The following FHIT variants were observed in gnomAD, a reference collection of about 807,000 sequenced individuals.
FHIT encodes fragile histidine triad diadenosine triphosphatase, also known as bis(5'-adenosyl)-triphosphatase.
FHIT carries 19 observed loss-of-function variants against 17.9 expected under a neutral mutation model. That is an observed-to-expected ratio of 1.06 (90% CI 0.74 to 1.56). FHIT has a LOEUF of 1.56. FHIT is among the 40% of genes most tolerant of loss of function. The probability of loss-of-function intolerance (pLI) is 0.00; values close to 1 mark genes in which losing one functional copy is unlikely to be tolerated. For missense variants in FHIT, 248 were observed against 189.2 expected, an observed-to-expected ratio of 1.31 and a Z score of -1.82; for synonymous variants, 81 against 69.7, an observed-to-expected ratio of 1.16 and a Z score of -0.81.
intron 4 of FHIT, among the ~76,000 whole-genome samples, chr3:60,688,837 T>C (rs2040920564): frequency 1.3e-5 from 2 of 152,206 alleles, no homozygotes; most frequent in African/African-American, 4.8e-5. Flanking sequence ...TCATGCTTTG[T>C]GTAGTTTATG....
rs139996064 is a variant in FHIT, at chr3:61,175,002, C to T, written c.-164+25615G>A. Among the ~76,000 whole-genome samples the T allele has an allele frequency of 5.5e-3, 727 of 132,944 alleles. 2 individuals are homozygous for T. The highest frequency in any genetic ancestry group is 8.1e-3 in the Non-Finnish European group (511 of 62,880). The allele number at this position is 132,944 out of a possible 152,430, so 87.2% of individuals were successfully genotyped here. On this transcript the variant is annotated intron_variant, in intron 2 of 9. Transcript: ENST00000492590. ...TCTTCCTATGTTTGCATTTCCTCAT[C>T]TATTAAATGAAGAGAAGACCTGGAT...
chr3:60,123,658 T>C (rs928503767), intron 5 of FHIT, among the ~76,000 whole-genome samples: 2 of 152,040 alleles, frequency 1.3e-5, no homozygotes, highest in Admixed American at 6.6e-5. Context: ...AGAAACCCAA[T>C]CACTGCTGTC....
chr3:60,145,875 A>G (rs1700218482), intron 5 of FHIT, among the ~76,000 whole-genome samples: 2 of 152,132 alleles, frequency 1.3e-5, no homozygotes, highest in Admixed American at 6.6e-5. Flanking sequence ...TTCTTTGCCA[A>G]TTAAGGGCTC....
chr3:60,469,278 A>G (rs1226924690), intron 5 of FHIT, among the ~76,000 whole-genome samples: 1 of 152,040 alleles, frequency 6.6e-6, no homozygotes, highest in Non-Finnish European at 1.5e-5. Context: ...TTTAAGGCCA[A>G]TAACTCTTAG....
intron 5 of FHIT, among the ~76,000 whole-genome samples, chr3:60,124,009 T>TATATAGAGAGAGAGAGAGAGAG (rs1384962194): frequency 8.2e-5 from 1 of 12,158 alleles, no homozygotes; most frequent in Non-Finnish European, 1.5e-4. Flanking sequence ...TATATATATA[T>TATATAGAGAGAGAGAGAGAGAG]AGAGAGAGAG....
chr3:60,453,662 A>G (rs1413894104), intron 5 of FHIT, among the ~76,000 whole-genome samples: 2 of 152,158 alleles, frequency 1.3e-5, no homozygotes, highest in Non-Finnish European at 2.9e-5. Flanking sequence ...TAATCTCTTC[A>G]CCACCTGGAA....
At chr3:61,144,666 A>C (rs2037177394) in intron 2 of FHIT, among the ~76,000 whole-genome samples, 1 of 150,442 alleles carries the variant, frequency 6.6e-6, no homozygotes, top group Non-Finnish European at 1.5e-5. Context: ...CCACCAAAAC[A>C]TATGAGGGTT....
intron 2 of FHIT, among the ~76,000 whole-genome samples, chr3:61,127,868 T>C (rs368823818): frequency 4.0e-5 from 6 of 151,628 alleles, no homozygotes; most frequent in Non-Finnish European, 5.9e-5. Flanking sequence ...AGACTCTGTC[T>C]GAAAAAAAAA....
At chr3:60,694,701 T>C (rs1156620179) in intron 4 of FHIT, among the ~76,000 whole-genome samples, 3 of 152,182 alleles carry the variant, frequency 2.0e-5, no homozygotes, top group Non-Finnish European at 4.4e-5. Context: ...TAAGAAAATA[T>C]GGCACATATA....
chr3:60,354,295 T>C (rs1255117949), intron 5 of FHIT, among the ~76,000 whole-genome samples: 1 of 152,200 alleles, frequency 6.6e-6, no homozygotes, highest in African/African-American at 2.4e-5. Flanking sequence ...AGTGACTTAC[T>C]TTATTATTCC....
At chr3:60,280,312 G>C (rs1707370815) in intron 5 of FHIT, among the ~76,000 whole-genome samples, 2 of 152,138 alleles carry the variant, frequency 1.3e-5, no homozygotes, top group African/African-American at 2.4e-5. Context: ...GATCAGTGTA[G>C]TATAGTAGGC....
In FHIT at chr3:60,566,782, T is replaced by G. The variant is rs573843839; in HGVS notation, c.-17-29803A>C. Among the ~76,000 whole-genome samples, 245 of 151,768 alleles carry G rather than the reference T, an allele frequency of 1.6e-3. 4 individuals carry two copies. Among genetic ancestry groups the G allele is most frequent in the African/African-American group, 5.7e-3 (236 of 41,286 alleles). The stretch of plus-strand genomic sequence containing the variant: ...AAAGTCTCAAGATACAAAATCAATG[T>G]GCAAAAATCACAAGCATTCTTATAC... On this transcript the variant is annotated intron_variant, in intron 4 of 9. Coordinates refer to ENST00000492590, the MANE Select transcript of FHIT (RefSeq NM_002012.4).
intron 2 of FHIT, among the ~76,000 whole-genome samples, chr3:61,119,508 C>T (rs945670698): frequency 6.6e-6 from 1 of 152,138 alleles, no homozygotes; most frequent in African/African-American, 2.4e-5. Flanking sequence ...GCCACCGTGC[C>T]CAGCCTGTTA....
intron 4 of FHIT, among the ~76,000 whole-genome samples, chr3:60,592,352 T>C (rs1223156085): frequency 6.6e-6 from 1 of 151,680 alleles, no homozygotes; most frequent in Non-Finnish European, 1.5e-5. Flanking sequence ...AAAATATGTA[T>C]CTAGTCTATT....
chr3:60,162,200 G>A (rs920923388), intron 5 of FHIT, among the ~76,000 whole-genome samples: 4 of 152,068 alleles, frequency 2.6e-5, no homozygotes, highest in African/African-American at 9.7e-5. Flanking sequence ...TACGTTTTAG[G>A]TTTCCAATAA....
intron 5 of FHIT, among the ~76,000 whole-genome samples, chr3:60,118,727 G>T (rs1705096305): frequency 1.0e-5 from 1 of 99,410 alleles, no homozygotes; most frequent in Non-Finnish European, 2.5e-5. Context: ...GAACTTCAGG[G>T]TCCGGGCCTG....
At chr3:60,828,469 C>T (rs1319514100) in intron 3 of FHIT, among the ~76,000 whole-genome samples, 6 of 151,998 alleles carry the variant, frequency 3.9e-5, no homozygotes, top group African/African-American at 1.5e-4. Flanking sequence ...GGCACATATG[C>T]TAGGGGCTAG....
intron 5 of FHIT, among the ~76,000 whole-genome samples, chr3:60,520,524 T>G (rs548593162): frequency 4.9e-4 from 75 of 152,316 alleles, no homozygotes; most frequent in African/African-American, 1.7e-3. Context: ...CTAGAGAGCA[T>G]GTCAGTCCTA....
intron 5 of FHIT, among the ~76,000 whole-genome samples, chr3:60,028,481 A>C (rs1439912090): frequency 2.0e-5 from 3 of 152,228 alleles, no homozygotes; most frequent in Non-Finnish European, 4.4e-5. Flanking sequence ...TGATCACTGC[A>C]CATCTGGTAT....
Sources: gnomAD v4.1 joint callset for allele counts (sites outside exome capture counted in the v4.1 genomes callset) on GRCh38, gnomAD v4.1.1 for gene constraint, MANE v1.5 for transcripts, NCBI Gene and HGNC (gene_info 2026-07-23, HGNC 2026-07-21) for gene names.